The following SNTG1 variants were observed in gnomAD, a reference collection of about 807,000 sequenced individuals.
SNTG1 encodes the protein syntrophin gamma 1, also known as gamma-1-syntrophin.
Under a neutral mutation model 74.7 loss-of-function variants are expected in SNTG1, and 39 were observed. That is an observed-to-expected ratio of 0.52 (90% CI 0.40 to 0.68). The LOEUF is 0.68. Ranked by LOEUF, SNTG1 falls within the 30% of genes least tolerant of loss-of-function variation. The pLI is 0.00. For missense variants in SNTG1, 685 were observed against 609.5 expected (o/e 1.12, Z -1.30); for synonymous variants, 254 against 217.1 (o/e 1.17, Z -1.49).
In SNTG1 at chr8:50,671,761, A is replaced by G. The variant is rs188176448; in HGVS notation, c.1038+13098A>G. Among the ~76,000 whole-genome samples the G allele has an allele frequency of 1.0e-3, 155 of 152,142 alleles. 3 individuals are homozygous for G. Among genetic ancestry groups the G allele is most frequent in the Non-Finnish European group, 6.8e-4 (46 of 68,002 alleles). ...CATGCACACGTATGTTTATTGCGGCACTATTCACAATAGCAAAGACTTGGA... is the reference window on the plus strand; with the variant it reads ...CATGCACACGTATGTTTATTGCGGCGCTATTCACAATAGCAAAGACTTGGA... On this transcript the variant is annotated intron_variant, in intron 15 of 18. Coordinates refer to ENST00000642720, the MANE Select transcript of SNTG1 (RefSeq NM_018967.5).
chr8:50,629,993 T>C (rs1440758717), intron 13 of SNTG1, among the ~76,000 whole-genome samples: 3 of 152,338 alleles, frequency 2.0e-5, no homozygotes, highest in Non-Finnish European at 4.4e-5. Context: ...ATGTTTTTGT[T>C]CAATAGGTAA....
chr8:50,622,728 T>G (rs1016212907), intron 13 of SNTG1, among the ~76,000 whole-genome samples: 3 of 152,086 alleles, frequency 2.0e-5, no homozygotes, highest in African/African-American at 7.2e-5. Flanking sequence ...ACAGATGAGA[T>G]TATAATAAAA....
At chr8:49,945,764 CTCA>C (rs1809125432) in intron 1 of SNTG1, among the ~76,000 whole-genome samples, 1 of 152,170 alleles carries the variant, frequency 6.6e-6, no homozygotes, top group African/African-American at 2.4e-5. Flanking sequence ...TGTCAGTTAA[CTCA>C]AGGTCTACCT....
At chr8:50,266,750 T>G (rs1424044899) in intron 2 of SNTG1, among the ~76,000 whole-genome samples, 1 of 149,814 alleles carries the variant, frequency 6.7e-6, no homozygotes, top group African/African-American at 2.4e-5. Context: ...AACTTTCTCC[T>G]TAAGCTAACC....
At chr8:49,933,074 C>T (rs1041401329) in intron 1 of SNTG1, among the ~76,000 whole-genome samples, 26 of 152,156 alleles carry the variant, frequency 1.7e-4, no homozygotes, top group African/African-American at 6.0e-4. Flanking sequence ...ACTAAAGCTG[C>T]TGTTAACATT....
intron 2 of SNTG1, among the ~76,000 whole-genome samples, chr8:50,179,017 T>C (rs557611222): frequency 6.6e-6 from 1 of 152,338 alleles, no homozygotes; most frequent in South Asian, 2.1e-4. Flanking sequence ...GATTTTTGTG[T>C]GTTGTATAAG....
intron 15 of SNTG1, among the ~76,000 whole-genome samples, chr8:50,676,292 C>G (rs1285785165): frequency 1.3e-5 from 2 of 151,870 alleles, no homozygotes; most frequent in Admixed American, 1.3e-4. Flanking sequence ...TTATGAAGTC[C>G]CATATTTCTC....
At chr8:50,616,223 G>A (rs1475363062) in intron 13 of SNTG1, among the ~76,000 whole-genome samples, 1 of 152,202 alleles carries the variant, frequency 6.6e-6, no homozygotes, top group South Asian at 2.1e-4. Context: ...AAAATTAACT[G>A]TTACAGTAAG....
chr8:50,164,844 G>T (rs576459389), intron 1 of SNTG1, among the ~76,000 whole-genome samples: 122 of 152,210 alleles, frequency 8.0e-4, no homozygotes, highest in African/African-American at 2.8e-3. Flanking sequence ...TTATTAAATG[G>T]TATGGCTATA....
chr8:49,935,392 C>CTTTT (rs35517917), intron 1 of SNTG1, among the ~76,000 whole-genome samples: 8 of 132,146 alleles, frequency 6.1e-5, no homozygotes, highest in African/African-American at 2.0e-4. Context: ...CCATTAATTC[C>CTTTT]TTTTTTTTTT....
At chr8:50,322,566 A>G (rs2090574511) in intron 2 of SNTG1, among the ~76,000 whole-genome samples, 1 of 151,916 alleles carries the variant, frequency 6.6e-6, no homozygotes, top group South Asian at 2.1e-4. Context: ...TTGAATATTG[A>G]TATATTTCTC....
intron 11 of SNTG1, among the ~76,000 whole-genome samples, chr8:50,551,201 TAA>T (rs912083416): frequency 7.9e-5 from 12 of 152,148 alleles, no homozygotes; most frequent in Non-Finnish European, 8.8e-5. Context: ...ACTTATACTA[TAA>T]GAGGTCATAT....
intron 2 of SNTG1, among the ~76,000 whole-genome samples, chr8:50,348,078 C>A (rs1166469691): frequency 6.6e-6 from 1 of 152,124 alleles, no homozygotes; most frequent in East Asian, 1.9e-4. Context: ...GATAAAACTT[C>A]CTTCATCTCC....
intron 2 of SNTG1, among the ~76,000 whole-genome samples, chr8:50,285,030 C>G: frequency 6.6e-6 from 1 of 152,046 alleles, no homozygotes; most frequent in East Asian, 1.9e-4. Flanking sequence ...TTTATTATTT[C>G]ATTTGTGTGC....
chr8:50,174,300 G>A (rs751730714), intron 2 of SNTG1, among the ~76,000 whole-genome samples: 5 of 152,128 alleles, frequency 3.3e-5, no homozygotes, highest in East Asian at 1.9e-4. Context: ...GTAGACATAC[G>A]TGGGCATGTG....
intron 2 of SNTG1, among the ~76,000 whole-genome samples, chr8:50,377,093 G>T (rs2092401968): frequency 1.3e-5 from 2 of 152,172 alleles, no homozygotes; most frequent in South Asian, 4.1e-4. Flanking sequence ...TAGAAAGGAG[G>T]CTGCTCTTGG....
At chr8:50,204,869 T>C (rs916075499) in intron 2 of SNTG1, among the ~76,000 whole-genome samples, 3 of 152,182 alleles carry the variant, frequency 2.0e-5, no homozygotes, top group African/African-American at 7.2e-5. Flanking sequence ...GGTTCCCAGC[T>C]TCATCCATGT....
chr8:50,516,005 T>C (rs1291524021), intron 9 of SNTG1, among the ~76,000 whole-genome samples: 2 of 152,160 alleles, frequency 1.3e-5, no homozygotes, highest in Non-Finnish European at 2.9e-5. Flanking sequence ...GACTGGGAGA[T>C]GCCTCCCAGC....
At chr8:50,167,126 G>T (rs1370176908) in intron 1 of SNTG1, among the ~76,000 whole-genome samples, 1 of 106,980 alleles carries the variant, frequency 9.3e-6, no homozygotes, top group Non-Finnish European at 1.8e-5. Flanking sequence ...CTGTGGTGGG[G>T]TCGGGGGAGG....
Sources: gnomAD v4.1 joint callset for allele counts (sites outside exome capture counted in the v4.1 genomes callset) on GRCh38, gnomAD v4.1.1 for gene constraint, MANE v1.5 for transcripts, NCBI Gene and HGNC (gene_info 2026-07-23, HGNC 2026-07-21) for gene names.